Variants in KIAA0825 observed in about 807,000 individuals in gnomAD.
KIAA0825 encodes the protein KIAA0825, also known as uncharacterized protein KIAA0825.
KIAA0825 carries 119 observed loss-of-function variants against 147.6 expected under a neutral mutation model. That is an observed-to-expected ratio of 0.81 (90% CI 0.69 to 0.94). The LOEUF is 0.94. Among genes scored for constraint, KIAA0825 ranks in the 40% least tolerant of loss-of-function variants. The pLI, the probability that KIAA0825 is intolerant of heterozygous loss-of-function variation, is 0.00. For missense variants in KIAA0825, 1,381 were observed against 1,472.7 expected, an observed-to-expected ratio of 0.94 and a Z score of 1.02; for synonymous variants, 470 against 518.1, an observed-to-expected ratio of 0.91 and a Z score of 1.26.
intron 5 of KIAA0825, among the ~76,000 whole-genome samples, chr5:94,499,283 A>T (rs907563495): frequency 6.6e-6 from 1 of 152,170 alleles, no homozygotes; most frequent in African/African-American, 2.4e-5. Flanking sequence ...GTGCCTTCCA[A>T]GTAAACTCTC....
chr5:94,442,678 C>T (rs962372067), intron 13 of KIAA0825, among the ~76,000 whole-genome samples: 1 of 152,116 alleles, frequency 6.6e-6, no homozygotes, highest in Admixed American at 6.6e-5. Context: ...ATGAAAAATG[C>T]TACTTGGTAG....
intron 20 of KIAA0825, among the ~76,000 whole-genome samples, chr5:94,287,224 G>C (rs1478262546): frequency 6.6e-6 from 1 of 152,144 alleles, no homozygotes; most frequent in Admixed American, 6.6e-5. Context: ...CTACAAATAT[G>C]TGGATCAGTC....
chr5:94,330,437 T>G (rs796208412), intron 20 of KIAA0825, among the ~76,000 whole-genome samples: 1 of 152,122 alleles, frequency 6.6e-6, no homozygotes, highest in East Asian at 1.9e-4. Context: ...ATTGTCACAA[T>G]GTACTCAAAT....
At chr5:94,471,396 A>T in intron 9 of KIAA0825, 70 bp downstream of exon 9, 1 of 1,438,726 alleles carries the variant, frequency 7.0e-7, no homozygotes, top group South Asian at 1.4e-5. Flanking sequence ...CCAAAATTTC[A>T]TTCCTGTGAT....
intron 15 of KIAA0825, among the ~76,000 whole-genome samples, chr5:94,407,843 T>C (rs527268302): frequency 6.6e-6 from 1 of 152,310 alleles, no homozygotes; most frequent in Admixed American, 6.5e-5. Context: ...GTATATAAAT[T>C]ATATCTCAGT....
chr5:94,235,069 A>G (rs770625005), intron 20 of KIAA0825, among the ~76,000 whole-genome samples: 52 of 152,182 alleles, frequency 3.4e-4, no homozygotes, highest in African/African-American at 1.0e-3. Context: ...TAACCTTACA[A>G]TTGTGCCTAA....
At chr5:94,532,258 C>T (rs1164518694) in intron 3 of KIAA0825, among the ~76,000 whole-genome samples, 1 of 152,146 alleles carries the variant, frequency 6.6e-6, no homozygotes, top group African/African-American at 2.4e-5. Context: ...AGCGATCCTT[C>T]CACCTCAGCA....
intron 2 of KIAA0825, among the ~76,000 whole-genome samples, chr5:94,573,520 C>T (rs914702548): frequency 5.3e-5 from 8 of 152,268 alleles, no homozygotes; most frequent in African/African-American, 1.4e-4. Flanking sequence ...GATCCACCTG[C>T]GGAGGCCTCA....
chr5:94,466,617 G>A (rs930071577), intron 10 of KIAA0825, among the ~76,000 whole-genome samples: 7 of 151,368 alleles, frequency 4.6e-5, no homozygotes, highest in African/African-American at 9.7e-5. Flanking sequence ...GGCGCCTGTA[G>A]TCCCAGCTAC....
chr5:94,430,629 G>A (rs1284395768), intron 14 of KIAA0825, among the ~76,000 whole-genome samples: 2 of 152,128 alleles, frequency 1.3e-5, no homozygotes, highest in Non-Finnish European at 2.9e-5. Flanking sequence ...AAAAGATGCT[G>A]CAGAAATTCA....
At chr5:94,295,782 T>C (rs1778106072) in intron 20 of KIAA0825, among the ~76,000 whole-genome samples, 1 of 152,186 alleles carries the variant, frequency 6.6e-6, no homozygotes, top group Admixed American at 6.5e-5. Flanking sequence ...TGCTGCCTGT[T>C]CCTTCCTCTG....
chr5:94,405,936 AT>A (rs1023649815), intron 15 of KIAA0825, among the ~76,000 whole-genome samples: 6 of 149,894 alleles, frequency 4.0e-5, no homozygotes, highest in Admixed American at 6.6e-5. Context: ...TTTTATTTTT[AT>A]TTTTTTTTGA....
intron 20 of KIAA0825, among the ~76,000 whole-genome samples, chr5:94,295,963 T>A (rs1214015103): frequency 6.6e-6 from 1 of 152,180 alleles, no homozygotes; most frequent in Non-Finnish European, 1.5e-5. Flanking sequence ...TACTAGGAGA[T>A]ACACTGCTCT....
chr5:94,538,803 T>C (rs915844432), intron 2 of KIAA0825, among the ~76,000 whole-genome samples: 3 of 152,168 alleles, frequency 2.0e-5, no homozygotes, highest in Admixed American at 2.0e-4. Flanking sequence ...GCTACATGAG[T>C]GAATGCTGTG....
intron 20 of KIAA0825, among the ~76,000 whole-genome samples, chr5:94,256,549 T>C (rs1378811618): frequency 6.6e-6 from 1 of 152,202 alleles, no homozygotes; most frequent in Non-Finnish European, 1.5e-5. Context: ...AGATTTACAG[T>C]ATAATTACAT....
chr5:94,185,077 G>A (rs1770003970), intron 20 of KIAA0825, among the ~76,000 whole-genome samples: 1 of 152,122 alleles, frequency 6.6e-6, no homozygotes, highest in Non-Finnish European at 1.5e-5. Flanking sequence ...TTTCATGTCA[G>A]TCTTCTTCAC....
At chr5:94,353,437 G>GA (rs1783917042) in intron 20 of KIAA0825, among the ~76,000 whole-genome samples, 2 of 152,048 alleles carry the variant, frequency 1.3e-5, no homozygotes, top group Admixed American at 1.3e-4. Flanking sequence ...CACTTTACTG[G>GA]AAAGAGTCTA....
intron 2 of KIAA0825, among the ~76,000 whole-genome samples, chr5:94,542,338 C>G (rs74437269): frequency 6.6e-6 from 1 of 152,130 alleles, no homozygotes; most frequent in Admixed American, 6.6e-5. Flanking sequence ...TTTTCAGAAT[C>G]AAGAAAACTT....
intron 1 of KIAA0825, among the ~76,000 whole-genome samples, chr5:94,597,945 G>A (rs1785603912): frequency 1.3e-5 from 2 of 152,082 alleles, no homozygotes; most frequent in Non-Finnish European, 1.5e-5. Flanking sequence ...CATTCATGGA[G>A]CTTATAGGAC....
Sources: allele counts gnomAD v4.1 joint callset (sites outside exome capture counted in the v4.1 genomes callset), GRCh38; gene constraint gnomAD v4.1.1; transcripts MANE v1.5; gene names NCBI Gene and HGNC (gene_info 2026-07-23, HGNC 2026-07-21).